Variants in DAB2IP observed in about 807,000 individuals in gnomAD.
DAB2IP encodes disabled homolog 2-interacting protein.
In DAB2IP, 28 loss-of-function variants were observed where a neutral mutation model predicts 107.2. The ratio of observed to expected loss-of-function variants is 0.26; its 90% CI spans 0.19 to 0.36. DAB2IP has a LOEUF of 0.36. Ranked by LOEUF, DAB2IP falls within the 10% of genes least tolerant of loss-of-function variation. DAB2IP has a pLI of 1.00. For synonymous variants in DAB2IP, 755 were observed against 706.4 expected (o/e 1.07, Z -1.09); for missense variants, 1,400 against 1,644.7 (o/e 0.85, Z 2.57).
rs1173875317 is a variant in DAB2IP at position 121,760,886 on chromosome 9, C to A, written c.1170+447C>A. ...GCACGATGCACAGATGAGCCTCCCT[C>A]ACAGCTCTACCTCACCCCACACTCT... On this transcript the variant is annotated intron_variant, in intron 6 of 15. Coordinates refer to ENST00000408936, the Ensembl canonical transcript of DAB2IP. This position sits in a 1 kb window ranked among gnomAD's most constrained non-coding sequence, Gnocchi z 5.9. Among the ~76,000 whole-genome samples the A allele has an allele frequency of 6.6e-6, 1 of 152,198 alleles. No individual in the cohort carries two copies. The highest frequency in any genetic ancestry group is 1.5e-5 in the Non-Finnish European group (1 of 68,040).
At chr9:121,743,121 G>A (rs554389212) in intron 3 of DAB2IP, among the ~76,000 whole-genome samples, 1 of 152,284 alleles carries the variant, frequency 6.6e-6, no homozygotes, top group Admixed American at 6.5e-5. Flanking sequence ...TGAAGTCCTG[G>A]CGAGCTGGGG....
At chr9:121,783,694 C>A in exon 16 of DAB2IP, 1 of 1,080,604 alleles carries the variant, frequency 9.3e-7, no homozygotes, top group Non-Finnish European at 1.4e-6. Context: ...TGTGTGTGGC[C>A]GGCCTCCTCC....
intron 3 of DAB2IP, among the ~76,000 whole-genome samples, chr9:121,718,693 T>C (rs1231024818): frequency 6.6e-6 from 1 of 152,202 alleles, no homozygotes; most frequent in Non-Finnish European, 1.5e-5. Context: ...TGAATGGGAT[T>C]TGCAGCTAAA....
At position 121,633,433 on chromosome 9, in the gene DAB2IP, G is replaced by A. The variant is rs572852735; in HGVS notation, c.41-45245G>A. ...TGCAAACAGAGTGCCTGGTGAGGCC[G>A]TTCAGCGTCTGTGCTTTGTTATTCC... is the stretch of plus-strand genomic sequence containing the variant. On this transcript the variant is annotated intron_variant, in intron 1 of 16. Transcript: ENST00000259371. This position sits in a 1 kb window ranked among gnomAD's most constrained non-coding sequence, Gnocchi z 5.1. Among the ~76,000 whole-genome samples, 7 of 152,220 alleles carry A rather than the reference G, an allele frequency of 4.6e-5. No homozygotes were observed. Among genetic ancestry groups the A allele is most frequent in the Admixed American group, 3.9e-4 (6 of 15,298 alleles).
chr9:121,670,545 G>GGCTGTTCCCAGTTT (rs1234324074), intron 1 of DAB2IP, among the ~76,000 whole-genome samples: 1 of 152,180 alleles, frequency 6.6e-6, no homozygotes, highest in Non-Finnish European at 1.5e-5. Flanking sequence ...ATCAGCTGAG[G>GGCTGTTCCCAGTTT]GCTGTTCCCA....
intron 1 of DAB2IP, among the ~76,000 whole-genome samples, chr9:121,595,621 G>GAA (rs1160423039): frequency 2.5e-4 from 37 of 147,984 alleles, no homozygotes; most frequent in Non-Finnish European, 4.1e-4. Context: ...AAAAAGAAAA[G>GAA]AAGAAGAAGA....
rs543892428 is a variant in DAB2IP, at chr9:121,634,209, G to A, written c.41-44469G>A. Among the ~76,000 whole-genome samples, 2 of 152,230 alleles carry A rather than the reference G, an allele frequency of 1.3e-5. No homozygotes were observed. The highest frequency in any genetic ancestry group is 2.1e-4 in the South Asian group (1 of 4,824). ...CTAGGAAGGGTCCCCTATGCACCCC[G>A]GGGTAGGAGCTGAATGGCCTGGCTT... On this transcript the variant is annotated intron_variant, in intron 1 of 16. Coordinates refer to the DAB2IP transcript ENST00000259371. This position sits in a 1 kb window ranked among gnomAD's most constrained non-coding sequence, Gnocchi z 4.7.
intron 1 of DAB2IP, among the ~76,000 whole-genome samples, chr9:121,586,133 C>G (rs528145049): frequency 7.9e-4 from 121 of 152,286 alleles, no homozygotes; most frequent in African/African-American, 2.8e-3. Context: ...ATGTAACAAA[C>G]CTGGAAATTG....
chr9:121,675,647 G>C (rs569178216), intron 1 of DAB2IP, among the ~76,000 whole-genome samples: 2 of 152,334 alleles, frequency 1.3e-5, no homozygotes, highest in South Asian at 4.1e-4. Flanking sequence ...CATGGACTCG[G>C]TCCAGACACA....
chr9:121,771,290 A>G, intron 11 of DAB2IP, among the ~76,000 whole-genome samples: 1 of 152,168 alleles, frequency 6.6e-6, no homozygotes, highest in Non-Finnish European at 1.5e-5. Flanking sequence ...TTCTTGTTTA[A>G]GTCAAAATAG....
intron 2 of DAB2IP, among the ~76,000 whole-genome samples, chr9:121,688,263 A>G (rs1048558473): frequency 2.0e-5 from 3 of 152,248 alleles, no homozygotes; most frequent in Non-Finnish European, 2.9e-5. Flanking sequence ...TCAAGCGGCA[A>G]TTGTTGTTTC....
At position 121,701,554 on chromosome 9, in the gene DAB2IP, A is replaced by G. The variant is rs1829784387; in HGVS notation, c.362+2096A>G. Among the ~76,000 whole-genome samples the G allele has an allele frequency of 6.6e-6, 1 of 152,170 alleles. No homozygotes were observed. The highest frequency in any genetic ancestry group is 2.4e-5 in the African/African-American group (1 of 41,424). On this transcript the variant is annotated intron_variant, in intron 3 of 15. Coordinates refer to ENST00000408936, the Ensembl canonical transcript of DAB2IP. This position sits in a 1 kb window ranked among gnomAD's most constrained non-coding sequence, Gnocchi z 4.7. ...GGAAGGGAGCCTAGATTTCCCATGG[A>G]CAGGCAGAAAGACTGGGTTTGAAAT...
intron 1 of DAB2IP, among the ~76,000 whole-genome samples, chr9:121,666,386 A>G (rs982996382): frequency 1.3e-5 from 2 of 152,240 alleles, no homozygotes; most frequent in African/African-American, 4.8e-5. Context: ...CTTGGGGAAC[A>G]TTATTGTGCG....
At chr9:121,652,379 G>T (rs951241138) in intron 1 of DAB2IP, among the ~76,000 whole-genome samples, 6 of 152,162 alleles carry the variant, frequency 3.9e-5, no homozygotes, top group Non-Finnish European at 5.9e-5. Context: ...GCGGGTGGGC[G>T]CCAGCTCCTT....
chr9:121,783,653 T>C (rs1588029091), exon 16 of DAB2IP: 1 of 1,406,768 alleles, frequency 7.1e-7, no homozygotes, highest in South Asian at 1.2e-5. Context: ...TTGCTCCCTC[T>C]CCAAGACAGC....
intron 1 of DAB2IP, among the ~76,000 whole-genome samples, chr9:121,610,475 A>G (rs1441416312): frequency 6.6e-6 from 1 of 152,126 alleles, no homozygotes; most frequent in Non-Finnish European, 1.5e-5. Context: ...TGACTTGCCT[A>G]AGGTCACCCA....
chr9:121,574,156 T>C (rs1000394407), intron 1 of DAB2IP, among the ~76,000 whole-genome samples: 3 of 152,140 alleles, frequency 2.0e-5, no homozygotes, highest in African/African-American at 7.2e-5. Flanking sequence ...TAGATAATAA[T>C]TGTAAAAAAT....
chr9:121,689,163 G>A (rs1186154190), intron 2 of DAB2IP, among the ~76,000 whole-genome samples: 3 of 152,094 alleles, frequency 2.0e-5, no homozygotes, highest in South Asian at 2.1e-4. Context: ...GCGTGGTAGC[G>A]CATGCCTGTA....
At chr9:121,672,696 T>G (rs150661911) in intron 1 of DAB2IP, among the ~76,000 whole-genome samples, 117 of 152,244 alleles carry the variant, frequency 7.7e-4, no homozygotes, top group African/African-American at 2.8e-3. Flanking sequence ...TGCAATGAGT[T>G]TGAGCCGAGG....
Sources: allele counts gnomAD v4.1 joint callset (sites outside exome capture counted in the v4.1 genomes callset), GRCh38; gene constraint gnomAD v4.1.1; non-coding constraint Gnocchi (gnomAD v3.1); transcripts MANE v1.5; gene names NCBI Gene and HGNC (gene_info 2026-07-23, HGNC 2026-07-21).